STOX1: variants seen among roughly 807,000 people sequenced by gnomAD.
STOX1 encodes the protein storkhead box 1.
Under a neutral mutation model 74.8 loss-of-function variants are expected in STOX1, and 57 were observed. The ratio of observed to expected loss-of-function variants is 0.76; its 90% CI spans 0.62 to 0.95. The LOEUF (loss-of-function observed/expected upper bound fraction) is 0.95, where lower values mean the gene tolerates loss of function less well. Among genes scored for constraint, STOX1 ranks in the 40% least tolerant of loss-of-function variants. STOX1 has a pLI of 0.00. For missense variants in STOX1, 1,010 were observed against 1,117.0 expected (o/e 0.90, Z 1.37); for synonymous variants, 375 against 401.3 (o/e 0.93, Z 0.78).
chr10:68,835,024 A>G (rs1839509024), intron 1 of STOX1, among the ~76,000 whole-genome samples: 1 of 147,606 alleles, frequency 6.8e-6, no homozygotes, highest in African/African-American at 2.5e-5. Context: ...ATGCACGGCC[A>G]GGCTTTATTA....
intron 1 of STOX1, among the ~76,000 whole-genome samples, chr10:68,833,280 G>C (rs1048089067): frequency 6.6e-6 from 1 of 151,918 alleles, no homozygotes; most frequent in African/African-American, 2.4e-5. Context: ...GTAGAGACAG[G>C]GTTTCTCCAT....
chr10:68,845,591 T>G (rs1027885807), intron 1 of STOX1, among the ~76,000 whole-genome samples: 1 of 149,750 alleles, frequency 6.7e-6, no homozygotes, highest in Non-Finnish European at 1.5e-5. Context: ...GCTAATTTTT[T>G]TATTTTTATT....
Position 68,884,973 on chromosome 10 carries a change from C to T in STOX1, c.1177C>T (p.Gln393Ter), listed in dbSNP as rs1293287210. 6.2e-7 allele frequency: 1 copy of T among 1,614,110 alleles called. No individual in the cohort carries two copies. The highest frequency in any genetic ancestry group is 2.2e-5 in the East Asian group (1 of 44,882). The change falls in exon 3 of 4, where the codon CAG (glutamine) becomes TAG (stop). Residue 393 changes from glutamine (Q) to a stop codon, truncating the protein, a stop_gained. Transcript: ENST00000298596. LOFTEE classifies it high-confidence loss of function. ...KYEEQKKYNS[Q>*]GTSTDMLTIG... ...CGAAGAACAGAAAAAATATAATAGC[C>T]AGGGCACTTCCACTGACATGCTGAC... is the stretch of plus-strand genomic sequence containing the variant.
intron 1 of STOX1, among the ~76,000 whole-genome samples, chr10:68,872,342 C>CTTTTTTTTT (rs72451894): frequency 1.0e-4 from 9 of 89,320 alleles, no homozygotes; most frequent in South Asian, 7.3e-4. Context: ...TTTTTCTTTT[C>CTTTTTTTTT]TTTTTTTTTT....
At chr10:68,894,042 G>T (rs1298090012), downstream of STOX1, among the ~76,000 whole-genome samples, 1 of 151,614 alleles carries the variant, frequency 6.6e-6, no homozygotes, top group Non-Finnish European at 1.5e-5. Flanking sequence ...CTGATTTATG[G>T]TTGAGGGAAT....
At chr10:68,851,096 C>A (rs1839972253) in intron 1 of STOX1, among the ~76,000 whole-genome samples, 1 of 151,736 alleles carries the variant, frequency 6.6e-6, no homozygotes, top group Non-Finnish European at 1.5e-5. Flanking sequence ...CACTTGAGCC[C>A]AGGAGTTAGA....
intron 1 of STOX1, among the ~76,000 whole-genome samples, chr10:68,851,265 T>C (rs2133536375): frequency 6.8e-6 from 1 of 146,386 alleles, no homozygotes; most frequent in Non-Finnish European, 1.5e-5. Context: ...ATTGTATCAC[T>C]GCACTCCAGC....
At chr10:68,876,090 A>C (rs899576411) in intron 1 of STOX1, among the ~76,000 whole-genome samples, 1 of 138,984 alleles carries the variant, frequency 7.2e-6, no homozygotes, top group African/African-American at 2.7e-5. Context: ...GGCGGTGAGG[A>C]GTGGGGGTTG....
chr10:68,839,779 A>G (rs1199552018), intron 1 of STOX1, among the ~76,000 whole-genome samples: 1 of 152,146 alleles, frequency 6.6e-6, no homozygotes, highest in Non-Finnish European at 1.5e-5. Context: ...AATCCCAGCT[A>G]CTTTGGAGCC....
chr10:68,864,178 C>A (rs1296313512), intron 1 of STOX1, among the ~76,000 whole-genome samples: 1 of 152,170 alleles, frequency 6.6e-6, no homozygotes, highest in Non-Finnish European at 1.5e-5. Context: ...CCCGCCTCGG[C>A]CTCCCAAAGT....
intron 1 of STOX1, among the ~76,000 whole-genome samples, chr10:68,853,171 C>T (rs376345816): frequency 1.3e-5 from 2 of 152,030 alleles, no homozygotes; most frequent in African/African-American, 2.4e-5. Flanking sequence ...GTGATCCACC[C>T]GCCTCGGCCT....
chr10:68,841,739 G>A (rs1342852111), intron 1 of STOX1, among the ~76,000 whole-genome samples: 1 of 152,140 alleles, frequency 6.6e-6, no homozygotes, highest in African/African-American at 2.4e-5. Context: ...TATGCTGATG[G>A]TCTCCATCCA....
At chr10:68,849,359 C>G (rs576801176) in intron 1 of STOX1, among the ~76,000 whole-genome samples, 7 of 152,260 alleles carry the variant, frequency 4.6e-5, no homozygotes, top group African/African-American at 1.7e-4. Context: ...CATTGAATCA[C>G]TGAGTGATTC....
intron 1 of STOX1, among the ~76,000 whole-genome samples, chr10:68,852,907 G>T (rs890023961): frequency 2.0e-5 from 3 of 151,560 alleles, no homozygotes; most frequent in African/African-American, 7.3e-5. Context: ...CTTACTACCT[G>T]TGTGACTGGG....
rs753342460 is a variant in STOX1 at position 68,884,620 on chromosome 10, C to T, written c.824C>T (p.Ser275Phe). 6 of 1,613,842 alleles carry T rather than the reference C, an allele frequency of 3.7e-6. No individual in the cohort carries two copies. The African/African-American group carries it at 8.0e-5, about 22-fold the overall frequency. Residue 275 changes from serine (S) to phenylalanine (F), a missense_variant, in exon 3 of 4, where the codon TCC becomes TTC. Physicochemically the swap from Ser to Phe is radical, Grantham distance 155. Transcript: ENST00000298596. Reference sequence around the variant, plus strand: ...AAGAGTCACAGAGGTCTTGGGGAATCCGTATCTTGGGTACAGAATGGGGCA... The same window carrying T: ...AAGAGTCACAGAGGTCTTGGGGAATTCGTATCTTGGGTACAGAATGGGGCA... The part of the protein sequence containing the change: ...TRKSHRGLGE[S>F]VSWVQNGAVS...
chr10:68,853,247 C>T (rs1418766060), intron 1 of STOX1, among the ~76,000 whole-genome samples: 2 of 151,980 alleles, frequency 1.3e-5, no homozygotes, highest in African/African-American at 4.8e-5. Context: ...TTAATGTGAT[C>T]AGCAGGTGCT....
At chr10:68,874,955 T>C (rs1840640140) in intron 1 of STOX1, among the ~76,000 whole-genome samples, 1 of 152,216 alleles carries the variant, frequency 6.6e-6, no homozygotes, top group Non-Finnish European at 1.5e-5. Flanking sequence ...TCACACCTCC[T>C]GAAATGGCCG....
intron 1 of STOX1, among the ~76,000 whole-genome samples, chr10:68,857,358 C>G (rs1398243910): frequency 6.6e-6 from 1 of 152,038 alleles, no homozygotes; most frequent in African/African-American, 2.4e-5. Context: ...GAGGAAGCAT[C>G]TTTGCTGCCT....
chr10:68,889,583 A>C (rs1841050970), intron 3 of STOX1, among the ~76,000 whole-genome samples: 1 of 152,166 alleles, frequency 6.6e-6, no homozygotes, highest in African/African-American at 2.4e-5. Flanking sequence ...TTGTTTTTTG[A>C]GATGTAGTCT....
Sources: allele counts gnomAD v4.1 joint callset (sites outside exome capture counted in the v4.1 genomes callset), GRCh38; gene constraint gnomAD v4.1.1; transcripts MANE v1.5; gene names NCBI Gene and HGNC (gene_info 2026-07-23, HGNC 2026-07-21).